The following CHODL variants were observed in gnomAD, a reference collection of about 807,000 sequenced individuals.
CHODL encodes transmembrane protein MT75.
In CHODL, 29 loss-of-function variants were observed where a neutral mutation model predicts 34.5. The observed-to-expected ratio is 0.84, with a 90% confidence interval of 0.63 to 1.15. The LOEUF is 1.15. Among genes scored for constraint, CHODL ranks in the 50% most tolerant of loss-of-function variants. CHODL has a pLI of 0.00. For synonymous variants in CHODL, 125 were observed against 116.1 expected (o/e 1.08, Z -0.49); for missense variants, 332 against 332.5 (o/e 1.00, Z 0.01).
intron 1 of CHODL, among the ~76,000 whole-genome samples, chr21:17,967,851 T>C (rs1337345974): frequency 6.6e-6 from 1 of 152,198 alleles, no homozygotes; most frequent in East Asian, 1.9e-4. Context: ...TGCCCAACAA[T>C]ATCCCTTTCC....
intron 1 of CHODL, among the ~76,000 whole-genome samples, chr21:17,980,471 G>T (rs139175796): frequency 1.3e-5 from 2 of 152,138 alleles, no homozygotes; most frequent in African/African-American, 4.8e-5. Context: ...AACTGATAAA[G>T]AATTTAAAAT....
intron 1 of CHODL, among the ~76,000 whole-genome samples, chr21:18,006,828 C>G (rs1441740963): frequency 6.6e-6 from 1 of 152,222 alleles, no homozygotes; most frequent in East Asian, 1.9e-4. Context: ...CCGGTCCACT[C>G]TGCCACCCTT....
intron 2 of CHODL, among the ~76,000 whole-genome samples, chr21:18,060,086 C>A (rs2064638941): frequency 6.6e-6 from 1 of 152,030 alleles, no homozygotes; most frequent in African/African-American, 2.4e-5. Flanking sequence ...TGTGGAAGTC[C>A]CCCCACTGAT....
intron 1 of CHODL, among the ~76,000 whole-genome samples, chr21:18,020,131 AC>A (rs1270488686): frequency 6.6e-6 from 1 of 152,168 alleles, no homozygotes; most frequent in African/African-American, 2.4e-5. Flanking sequence ...CTTCAAAGGT[AC>A]TTTTTGGTTT....
chr21:18,220,646 T>C (rs1253550690), intron 2 of CHODL, among the ~76,000 whole-genome samples: 2 of 152,232 alleles, frequency 1.3e-5, no homozygotes, highest in East Asian at 3.9e-4. Context: ...TTTATTTCTC[T>C]TTCATTTTTG....
At chr21:18,109,961 A>C (rs148692238) in intron 2 of CHODL, among the ~76,000 whole-genome samples, 146 of 152,348 alleles carry the variant, frequency 9.6e-4, no homozygotes, top group African/African-American at 3.3e-3. Flanking sequence ...GAGAAAGGAA[A>C]AAACTATAGT....
intron 2 of CHODL, among the ~76,000 whole-genome samples, chr21:18,201,141 C>T (rs1326708588): frequency 6.6e-6 from 1 of 152,140 alleles, no homozygotes; most frequent in Non-Finnish European, 1.5e-5. Flanking sequence ...ATCTTATTCT[C>T]AGGAACACAA....
In CHODL at chr21:17,932,302, A is replaced by G. The variant is rs138636609; in HGVS notation, c.-145+14902A>G. On this transcript the variant is annotated intron_variant, in intron 1 of 6. Coordinates refer to the CHODL transcript ENST00000400127. ...ATGGCCATTATTAAAAAACTGAAAAACAGCAGATGTTTGTGAGGATGAAGA... is the reference window on the plus strand; with the variant it reads ...ATGGCCATTATTAAAAAACTGAAAAGCAGCAGATGTTTGTGAGGATGAAGA... Among the ~76,000 whole-genome samples the G allele has an allele frequency of 2.8e-4, 43 of 152,314 alleles. No individual in the cohort carries two copies. In the East Asian group the frequency reaches 8.1e-3, roughly 29 times the overall value.
chr21:18,203,640 C>T (rs1236288376), intron 2 of CHODL, among the ~76,000 whole-genome samples: 1 of 152,072 alleles, frequency 6.6e-6, no homozygotes, highest in Non-Finnish European at 1.5e-5. Flanking sequence ...ACTACTTTCT[C>T]TCATTTACCT....
chr21:18,184,843 T>A (rs907208580), intron 2 of CHODL, among the ~76,000 whole-genome samples: 4 of 152,152 alleles, frequency 2.6e-5, no homozygotes, highest in African/African-American at 9.7e-5. Flanking sequence ...ACCATTCCTA[T>A]CTGGAGAGCT....
intron 2 of CHODL, among the ~76,000 whole-genome samples, chr21:18,151,648 C>T (rs1057330036): frequency 3.3e-5 from 5 of 152,098 alleles, no homozygotes; most frequent in African/African-American, 4.8e-5. Context: ...TATCGGCAGA[C>T]GGGGAATAGT....
intron 2 of CHODL, among the ~76,000 whole-genome samples, chr21:18,132,523 A>C (rs2072669450): frequency 6.6e-6 from 1 of 152,178 alleles, no homozygotes; most frequent in South Asian, 2.1e-4. Context: ...CTATACATCT[A>C]TATGTAAGCA....
chr21:18,090,496 T>G (rs1035494440), intron 2 of CHODL, among the ~76,000 whole-genome samples: 8 of 152,158 alleles, frequency 5.3e-5, no homozygotes, highest in African/African-American at 1.9e-4. Context: ...TTTCAGGTAA[T>G]AGAAGATAAC....
At chr21:18,124,231 T>G (rs1484716829) in intron 2 of CHODL, among the ~76,000 whole-genome samples, 1 of 152,200 alleles carries the variant, frequency 6.6e-6, no homozygotes, top group Non-Finnish European at 1.5e-5. Flanking sequence ...TAAGTCCAGT[T>G]TCAGTTATTG....
At chr21:17,940,012 T>G (rs760522411) in intron 1 of CHODL, among the ~76,000 whole-genome samples, 1 of 152,216 alleles carries the variant, frequency 6.6e-6, no homozygotes, top group African/African-American at 2.4e-5. Context: ...TTTGTGAACT[T>G]AGAAGGGCCC....
At position 17,954,825 on chromosome 21, in the gene CHODL, A is replaced by G. The variant is rs938297436; in HGVS notation, c.-145+37425A>G. 1.5e-4 allele frequency among the ~76,000 whole-genome samples: 20 copies of G among 131,142 alleles called. 6 individuals are homozygous for G. The highest frequency in any genetic ancestry group is 3.2e-4 in the Non-Finnish European group (19 of 58,830). 86.0% of individuals were successfully genotyped at this position (131,142 alleles called of 152,430 possible). ...ATTATTCATAATTCTCTCTCTGTAT[A>G]TATTTATAAATATATATTTAAAATA... On this transcript the variant is annotated intron_variant, in intron 1 of 6. Transcript: ENST00000400127.
intron 1 of CHODL, among the ~76,000 whole-genome samples, chr21:17,928,853 A>G (rs2063248571): frequency 6.6e-6 from 1 of 152,258 alleles, no homozygotes; most frequent in East Asian, 1.9e-4. Flanking sequence ...AACGTATACA[A>G]TAACATTTTA....
intron 2 of CHODL, among the ~76,000 whole-genome samples, chr21:18,188,322 C>T (rs1222821342): frequency 2.0e-5 from 3 of 152,110 alleles, no homozygotes; most frequent in African/African-American, 4.8e-5. Flanking sequence ...CTCTGACTTA[C>T]ACTAGAACTC....
chr21:17,978,128 C>CA (rs1273573086), intron 1 of CHODL, among the ~76,000 whole-genome samples: 2 of 151,522 alleles, frequency 1.3e-5, no homozygotes, highest in Non-Finnish European at 1.5e-5. Context: ...ATTACCAAGC[C>CA]AAAAAAACAC....
Sources: allele counts gnomAD v4.1 joint callset (sites outside exome capture counted in the v4.1 genomes callset), GRCh38; gene constraint gnomAD v4.1.1; transcripts MANE v1.5; gene names NCBI Gene and HGNC (gene_info 2026-07-23, HGNC 2026-07-21).